Variants in AUTS2 observed in about 807,000 individuals in gnomAD.
The protein encoded by AUTS2 is activator of transcription and developmental regulator AUTS2, also known as autism susceptibility gene 2 protein.
AUTS2 carries 17 observed loss-of-function variants against 112.4 expected under a neutral mutation model. The ratio of observed to expected loss-of-function variants is 0.15; its 90% CI spans 0.10 to 0.23. The LOEUF (loss-of-function observed/expected upper bound fraction) is 0.23, where lower values mean the gene tolerates loss of function less well. Among genes scored for constraint, AUTS2 ranks in the 10% least tolerant of loss-of-function variants. AUTS2 has a pLI of 1.00. For synonymous variants in AUTS2, 751 were observed against 702.7 expected, an observed-to-expected ratio of 1.07 and a Z score of -1.09; for missense variants, 1,510 against 1,701.6, an observed-to-expected ratio of 0.89 and a Z score of 1.98.
intron 1 of AUTS2, among the ~76,000 whole-genome samples, chr7:69,719,656 A>G (rs77430700): frequency 6.6e-6 from 1 of 152,208 alleles, no homozygotes; most frequent in Non-Finnish European, 1.5e-5. Context: ...CAAGTCTTCA[A>G]GCTCAGAATT....
chr7:70,363,640 A>C (rs1792394016), intron 4 of AUTS2, among the ~76,000 whole-genome samples: 1 of 152,142 alleles, frequency 6.6e-6, no homozygotes, highest in Admixed American at 6.5e-5. Flanking sequence ...ACGGGTATTT[A>C]TATAATTAAT....
Position 69,599,141 on chromosome 7 carries a change from C to A in AUTS2, c.-513C>A, listed in dbSNP as rs1583912160. 6.6e-6 allele frequency: 1 copy of A among 151,654 alleles called. No individual in the cohort carries two copies. The highest frequency in any genetic ancestry group is 2.1e-4 in the South Asian group (1 of 4,788). The allele number at this position is 151,654 out of a possible 1,614,324, so 9.4% of individuals were successfully genotyped here. On this transcript the variant is annotated 5_prime_UTR_variant, in exon 1 of 19. Coordinates refer to ENST00000342771, the MANE Select transcript of AUTS2 (RefSeq NM_015570.4). This position sits in a 1 kb window ranked among gnomAD's most constrained non-coding sequence, Gnocchi z 7.0. ...GGTGAAGTTCATTGCCCCCACTTTT[C>A]CCGCGACCTTTTTCGGACCCGATTT...
chr7:70,153,652 G>C (rs184990382), intron 4 of AUTS2, among the ~76,000 whole-genome samples: 2 of 152,302 alleles, frequency 1.3e-5, no homozygotes, highest in East Asian at 3.9e-4. Flanking sequence ...AACACCCTGA[G>C]ATGTCTGCCT....
intron 4 of AUTS2, among the ~76,000 whole-genome samples, chr7:70,382,348 T>C (rs1351176195): frequency 6.6e-6 from 1 of 152,172 alleles, no homozygotes; most frequent in East Asian, 1.9e-4. Flanking sequence ...AATCCCCAAC[T>C]CTGATGTGTC....
chr7:70,322,803 C>T (rs1191473391), intron 4 of AUTS2, among the ~76,000 whole-genome samples: 4 of 152,186 alleles, frequency 2.6e-5, no homozygotes, highest in Non-Finnish European at 4.4e-5. Context: ...ATGCCCTGTA[C>T]GGATACCAAT....
In AUTS2 at chr7:70,333,106, C is replaced by T. The variant is rs529329048; in HGVS notation, c.661-102646C>T. Among the ~76,000 whole-genome samples, 7 of 152,232 alleles carry T rather than the reference C, an allele frequency of 4.6e-5. No individual in the cohort carries two copies. In the East Asian group the frequency reaches 1.4e-3, roughly 29 times the overall value. ...ATCCAGAATCTACAAAGAACTTAAA[C>T]AAATTTACAAGAAAGAAACAACCCC... On this transcript the variant is annotated intron_variant, in intron 4 of 18. Transcript: ENST00000342771.
chr7:69,653,683 G>A (rs1160557857), intron 1 of AUTS2, among the ~76,000 whole-genome samples: 3 of 150,458 alleles, frequency 2.0e-5, no homozygotes, highest in Non-Finnish European at 4.4e-5. Flanking sequence ...GAAATAACCC[G>A]TTTTTTGCTT....
intron 5 of AUTS2, among the ~76,000 whole-genome samples, chr7:70,476,087 G>A (rs1265670750): frequency 2.0e-5 from 3 of 152,026 alleles, no homozygotes; most frequent in Non-Finnish European, 4.4e-5. Context: ...TAGGATCTGG[G>A]CCAGAAAAAA....
intron 4 of AUTS2, among the ~76,000 whole-genome samples, chr7:70,245,133 AGT>A (rs869059239): frequency 7.5e-4 from 44 of 58,750 alleles, no homozygotes; most frequent in Admixed American, 1.5e-3. Flanking sequence ...AAAAAAAAAA[AGT>A]GTGTGTGTGT....
At chr7:69,635,054 T>C (rs771480569) in intron 1 of AUTS2, among the ~76,000 whole-genome samples, 8 of 152,146 alleles carry the variant, frequency 5.3e-5, no homozygotes, top group Non-Finnish European at 1.0e-4. Context: ...TTACTTCATA[T>C]TTAAGCCCAT....
At chr7:69,987,966 G>C (rs1208627628) in intron 2 of AUTS2, among the ~76,000 whole-genome samples, 5 of 152,274 alleles carry the variant, frequency 3.3e-5, no homozygotes, top group Non-Finnish European at 7.4e-5. Flanking sequence ...GCGTGTGTAT[G>C]TCAGGGGAGG....
chr7:70,730,109 C>G (rs2129552562), intron 6 of AUTS2, among the ~76,000 whole-genome samples: 1 of 152,274 alleles, frequency 6.6e-6, no homozygotes, highest in Non-Finnish European at 1.5e-5. Context: ...GTCTCAAACT[C>G]CTGACCTCAT....
At chr7:70,185,845 A>G (rs1465426728) in intron 4 of AUTS2, among the ~76,000 whole-genome samples, 1 of 152,224 alleles carries the variant, frequency 6.6e-6, no homozygotes, top group African/African-American at 2.4e-5. Context: ...AGTGGGGCCT[A>G]CGTGCCCTGC....
chr7:70,771,761 G>A (rs1177887649), intron 11 of AUTS2, 117 bp downstream of exon 11: 1 of 775,628 alleles, frequency 1.3e-6, no homozygotes, highest in African/African-American at 1.7e-5. Flanking sequence ...CAGGTCCTAA[G>A]TGACCACTGG....
intron 6 of AUTS2, among the ~76,000 whole-genome samples, chr7:70,713,099 C>T (rs373339898): frequency 6.6e-6 from 1 of 152,192 alleles, no homozygotes; most frequent in African/African-American, 2.4e-5. Context: ...AAACCATGAC[C>T]TTGGGCCAAT....
intron 5 of AUTS2, among the ~76,000 whole-genome samples, chr7:70,618,442 G>A (rs1007116647): frequency 2.0e-4 from 31 of 152,290 alleles, no homozygotes; most frequent in South Asian, 1.0e-3. Context: ...CGCAGTTTAT[G>A]CCTTCATTCT....
At chr7:70,027,115 C>T (rs1024858358) in intron 2 of AUTS2, among the ~76,000 whole-genome samples, 2 of 152,134 alleles carry the variant, frequency 1.3e-5, no homozygotes, top group Admixed American at 6.5e-5. Flanking sequence ...AAGGTATGCT[C>T]GGCTAAGGTC....
At chr7:70,317,412 C>T (rs1212560621) in intron 4 of AUTS2, among the ~76,000 whole-genome samples, 1 of 152,158 alleles carries the variant, frequency 6.6e-6, no homozygotes, top group African/African-American at 2.4e-5. Flanking sequence ...AAAATAATGA[C>T]TAATACTTTG....
chr7:69,771,042 T>C (rs1788641483), intron 1 of AUTS2, among the ~76,000 whole-genome samples: 1 of 152,194 alleles, frequency 6.6e-6, no homozygotes, highest in South Asian at 2.1e-4. Flanking sequence ...GTGTTTGCAG[T>C]GTTGGAGAAC....
Sources: allele counts gnomAD v4.1 joint callset (sites outside exome capture counted in the v4.1 genomes callset), GRCh38; gene constraint gnomAD v4.1.1; non-coding constraint Gnocchi (gnomAD v3.1); transcripts MANE v1.5; gene names NCBI Gene and HGNC (gene_info 2026-07-23, HGNC 2026-07-21).